Variants in TENM1 observed in about 807,000 individuals in gnomAD.
TENM1 encodes the protein teneurin transmembrane protein 1.
TENM1 carries 35 observed loss-of-function variants against 174.8 expected under a neutral mutation model. The ratio of observed to expected loss-of-function variants is 0.20; its 90% CI spans 0.15 to 0.27. The LOEUF (loss-of-function observed/expected upper bound fraction) is 0.27. TENM1 is among the 10% of genes least tolerant of loss of function. The probability of loss-of-function intolerance (pLI) is 1.00; values close to 1 mark genes in which losing one functional copy is unlikely to be tolerated. For synonymous variants in TENM1, 781 were observed against 798.7 expected, an observed-to-expected ratio of 0.98 and a Z score of 0.37; for missense variants, 1,633 against 2,130.1, an observed-to-expected ratio of 0.77 and a Z score of 4.59.
At chrX:125,177,444 T>G in the TENM1 span, among the ~76,000 whole-genome samples, 1 of 112,471 alleles carries the variant, frequency 8.9e-6, no homozygotes, top group Admixed American at 9.4e-5. Context: ...CCTTGCTACT[T>G]CAGATATGGT....
At chrX:124,581,255 CA>C (rs758442918) in intron 11 of TENM1, among the ~76,000 whole-genome samples, 4 of 109,487 alleles carry the variant, frequency 3.7e-5, no homozygotes, top group Non-Finnish European at 5.7e-5. Context: ...TTAGTAGAGA[CA>C]GGGTTTCACC....
At chrX:124,593,466 C>A (rs946280599) in intron 11 of TENM1, among the ~76,000 whole-genome samples, 1 of 111,281 alleles carries the variant, frequency 9.0e-6, no homozygotes, top group African/African-American at 3.3e-5. Flanking sequence ...AGGGGCCCTG[C>A]GGCACCTCAA....
exon 17 of TENM1, chrX:124,523,520 A>G: frequency 8.3e-7 from 1 of 1,211,491 alleles, no homozygotes; most frequent in Non-Finnish European, 1.1e-6. Context: ...TCTCTACCAC[A>G]ATAAACTGAT....
At chrX:124,496,955 A>T in intron 20 of TENM1, 61 bp downstream of exon 23, 1 of 1,142,785 alleles carries the variant, frequency 8.8e-7, no homozygotes, top group Non-Finnish European at 1.2e-6. Context: ...TTGTCTTTTC[A>T]TATTATCTTG....
chrX:124,674,675 A>G (rs1185206440), intron 5 of TENM1, among the ~76,000 whole-genome samples: 1 of 111,668 alleles, frequency 9.0e-6, no homozygotes, highest in East Asian at 2.8e-4. Flanking sequence ...GCACATTAAT[A>G]AAGCTATATT....
chrX:125,187,859 A>G, the TENM1 span, among the ~76,000 whole-genome samples: 1 of 111,978 alleles, frequency 8.9e-6, no homozygotes, highest in Non-Finnish European at 1.9e-5. Flanking sequence ...TATTTATTTA[A>G]ATAAGCACAT....
chrX:124,717,341 A>G (rs2053210031), intron 4 of TENM1, among the ~76,000 whole-genome samples: 1 of 112,073 alleles, frequency 8.9e-6, no homozygotes, highest in Non-Finnish European at 1.9e-5. Context: ...CACTGCCTGC[A>G]GCCATAGTCC....
the TENM1 span, among the ~76,000 whole-genome samples, chrX:125,003,468 G>A: frequency 2.7e-5 from 3 of 111,577 alleles, no homozygotes; most frequent in Admixed American, 1.9e-4. Context: ...TAATAGTAGA[G>A]TACAAAGCTT....
chrX:124,922,779 T>C (rs1300155786), intron 1 of TENM1, among the ~76,000 whole-genome samples: 2 of 111,242 alleles, frequency 1.8e-5, no homozygotes, highest in Admixed American at 9.6e-5. Flanking sequence ...TTTCTTTTGA[T>C]TTTCTCTTTG....
chrX:124,841,104 G>A (rs145494087), intron 3 of TENM1, among the ~76,000 whole-genome samples: 3,549 of 111,499 alleles, frequency 0.032, 55 homozygotes, highest in Middle Eastern at 0.093. Flanking sequence ...GGGCTCAGAA[G>A]AGTAAAACCT....
At chrX:124,559,954 A>G (rs886970883) in intron 14 of TENM1, among the ~76,000 whole-genome samples, 4 of 110,792 alleles carry the variant, frequency 3.6e-5, no homozygotes, top group African/African-American at 6.6e-5. Flanking sequence ...GTTTAAGTTG[A>G]GACTTAAATT....
At chrX:124,684,549 T>C (rs2052315185) in intron 5 of TENM1, among the ~76,000 whole-genome samples, 1 of 111,775 alleles carries the variant, frequency 8.9e-6, no homozygotes, top group Admixed American at 9.4e-5. Context: ...ACCCTAGTGA[T>C]AGGCAAGGCC....
the TENM1 span, among the ~76,000 whole-genome samples, chrX:125,015,141 G>A: frequency 9.0e-6 from 1 of 111,679 alleles, no homozygotes; most frequent in Non-Finnish European, 1.9e-5. Flanking sequence ...ATGAAGAGCA[G>A]GCTGTCAGCA....
chrX:125,128,115 C>T, the TENM1 span, among the ~76,000 whole-genome samples: 33 of 111,762 alleles, frequency 3.0e-4, no homozygotes, highest in Non-Finnish European at 4.0e-4. Flanking sequence ...TCCTTCCTTC[C>T]TTTTTTCTTT....
intron 3 of TENM1, among the ~76,000 whole-genome samples, chrX:124,891,195 C>A (rs1354617190): frequency 1.8e-5 from 2 of 110,291 alleles, no homozygotes; most frequent in Non-Finnish European, 3.8e-5. Flanking sequence ...TTAATAGGTG[C>A]AAAAATATAG....
chrX:124,505,483 C>A (rs758334735), intron 18 of TENM1, among the ~76,000 whole-genome samples: 1 of 111,467 alleles, frequency 9.0e-6, no homozygotes, highest in South Asian at 3.8e-4. Flanking sequence ...GTATCTCCTA[C>A]AGCCCCTCTA....
chrX:124,891,812 T>C (rs1288294778), intron 3 of TENM1, among the ~76,000 whole-genome samples: 2 of 111,813 alleles, frequency 1.8e-5, no homozygotes, highest in African/African-American at 6.5e-5. Flanking sequence ...ACTTTTATCC[T>C]TATGAGAGTC....
intron 1 of TENM1, among the ~76,000 whole-genome samples, chrX:124,900,351 G>C (rs2147596847): frequency 8.9e-6 from 1 of 111,765 alleles, no homozygotes; most frequent in African/African-American, 3.2e-5. Flanking sequence ...CTAATCTACT[G>C]TGACATAAAG....
At chrX:124,564,233 CT>C (rs1367145973) in intron 12 of TENM1, among the ~76,000 whole-genome samples, 15 of 111,873 alleles carry the variant, frequency 1.3e-4, no homozygotes, top group African/African-American at 4.5e-4. Flanking sequence ...AATCTCACCC[CT>C]CTCCACCTTT....
Sources: gnomAD v4.1 joint callset for allele counts (sites outside exome capture counted in the v4.1 genomes callset) on GRCh38, gnomAD v4.1.1 for gene constraint, MANE v1.5 for transcripts, NCBI Gene and HGNC (gene_info 2026-07-23, HGNC 2026-07-21) for gene names.